Variants in SCAF4 observed in about 807,000 individuals in gnomAD.
The protein encoded by SCAF4 is SR-related CTD associated factor 4, also known as SR-related and CTD-associated factor 4.
Under a neutral mutation model 129.8 loss-of-function variants are expected in SCAF4, and 25 were observed. That is an observed-to-expected ratio of 0.19 (90% CI 0.14 to 0.27). SCAF4 has a LOEUF of 0.27. Ranked by LOEUF, SCAF4 falls within the 10% of genes least tolerant of loss-of-function variation. The probability of loss-of-function intolerance (pLI) is 1.00; values close to 1 mark genes in which losing one functional copy is unlikely to be tolerated. For synonymous variants in SCAF4, 551 were observed against 497.7 expected (o/e 1.11, Z -1.43); for missense variants, 1,246 against 1,457.1 (o/e 0.86, Z 2.36).
intron 3 of SCAF4, among the ~76,000 whole-genome samples, chr21:31,704,423 T>C (rs971349468): frequency 1.3e-5 from 2 of 152,034 alleles, no homozygotes; most frequent in Non-Finnish European, 2.9e-5. Context: ...CAGACACCTA[T>C]ATATATTTCT....
Position 31,671,942 on chromosome 21 carries a change from T to TGGC in SCAF4, c.2898_2900dup (p.Pro969dup), listed in dbSNP as rs1568816470. ...TTGGTGGAGGCTGTTGTGATGGTGG[T>TGGC]GGCTGCTGCTGCTGCTGCTGCTGTG... On this transcript the variant is annotated inframe_insertion, in exon 20 of 20. Transcript: ENST00000286835. The TGGC allele has an allele frequency of 1.9e-6, 3 of 1,607,970 alleles. No individual in the cohort carries two copies. The highest frequency in any genetic ancestry group is 2.2e-5 in the South Asian group (2 of 90,796).
chr21:31,688,381 G>A lies in SCAF4; in HGVS notation c.1969C>T (p.Pro657Ser). The A allele has an allele frequency of 6.2e-7, 1 of 1,613,898 alleles. No individual in the cohort carries two copies. Among genetic ancestry groups the A allele is most frequent in the Non-Finnish European group, 8.5e-7 (1 of 1,179,872 alleles). The change falls in exon 16 of 20, where the codon CCC becomes TCC. Residue 657 changes from proline to serine, a missense_variant. This residue lies in a region of SCAF4 where 468 missense variants were observed against 605.5 expected (regional missense o/e 0.77). Transcript: ENST00000286835. ...AETSHTEPVS[P>S]IPKPLPVPVP... ...GGCACAGGTAATGGTTTAGGTATGG[G>A]TGATACTGGTTCTGTGTGTGAGGTT...
At chr21:31,678,461 C>G (rs1477094750) in intron 19 of SCAF4, among the ~76,000 whole-genome samples, 4 of 152,170 alleles carry the variant, frequency 2.6e-5, no homozygotes, top group African/African-American at 9.7e-5. Flanking sequence ...CAGAACCGGT[C>G]TCCTTTCCAC....
At chr21:31,690,500 A>C (rs192478812) in intron 15 of SCAF4, among the ~76,000 whole-genome samples, 356 of 152,316 alleles carry the variant, frequency 2.3e-3, no homozygotes, top group Non-Finnish European at 3.7e-3. Flanking sequence ...ATAAAAAAAA[A>C]CATAATACCA....
rs548671334 is a variant in SCAF4 at position 31,693,123 on chromosome 21, A to C, written c.1513+171T>G. Reference sequence around the variant, plus strand: ...ATAGCTGGTTTAAGGTACGAAAGCAAATCTAAGGGTATACATCAATGAATA... The same window carrying C: ...ATAGCTGGTTTAAGGTACGAAAGCACATCTAAGGGTATACATCAATGAATA... On this transcript the variant is annotated intron_variant, in intron 12 of 19. Transcript: ENST00000286835. Among the ~76,000 whole-genome samples the C allele has an allele frequency of 3.3e-5, 5 of 152,346 alleles. No homozygotes were observed. In the East Asian group the frequency reaches 9.6e-4, roughly 29 times the overall value.
chr21:31,705,998 A>AG (rs1374063061), intron 2 of SCAF4, among the ~76,000 whole-genome samples: 1 of 152,182 alleles, frequency 6.6e-6, no homozygotes, highest in Non-Finnish European at 1.5e-5. Flanking sequence ...TGAACCCGGG[A>AG]GGGTGAGGTT....
intron 1 of SCAF4, among the ~76,000 whole-genome samples, chr21:31,712,516 C>T (rs1353418651): frequency 3.4e-5 from 5 of 148,114 alleles, no homozygotes; most frequent in African/African-American, 5.0e-5. Context: ...CCATGTCTGG[C>T]CTGATTCTCC....
At chr21:31,688,263 C>T (rs753153136) in intron 16 of SCAF4, 44 bp downstream of exon 16, 3 of 1,587,208 alleles carry the variant, frequency 1.9e-6, no homozygotes, top group East Asian at 2.2e-5. Context: ...TAGAAAGGGA[C>T]CTTTCAGGCA....
At chr21:31,724,435 A>G (rs2051150955) in intron 1 of SCAF4, among the ~76,000 whole-genome samples, 1 of 152,182 alleles carries the variant, frequency 6.6e-6, no homozygotes, top group South Asian at 2.1e-4. Flanking sequence ...ACCTGACAAC[A>G]CAGTGTAGTT....
Position 31,672,281 on chromosome 21 carries a change from G to C in SCAF4, c.2562C>G (p.Pro854=), listed in dbSNP as rs149687210. 1 of 1,613,850 alleles carries C rather than the reference G, an allele frequency of 6.2e-7. No individual in the cohort carries two copies. The highest frequency in any genetic ancestry group is 1.3e-5 in the African/African-American group (1 of 74,912). ...GAGGGCGCTGGAGTGGGATGAGACC[G>C]GGCCGGGCGCCAAGAAGACCAGTAG... The part of the protein sequence containing the change: ...APSTGLLGAR[P]GLIPLQRPPG... Residue 854 remains proline (P), a synonymous_variant, in exon 20 of 20, where the codon CCC becomes CCG. Transcript: ENST00000286835.
chr21:31,721,665 A>T (rs187778764), intron 1 of SCAF4, among the ~76,000 whole-genome samples: 1 of 152,238 alleles, frequency 6.6e-6, no homozygotes, highest in East Asian at 1.9e-4. Flanking sequence ...AACTATCAAG[A>T]CTAAATAAAA....
chr21:31,716,509 T>C (rs918833616), intron 1 of SCAF4, among the ~76,000 whole-genome samples: 6 of 152,164 alleles, frequency 3.9e-5, no homozygotes, highest in Non-Finnish European at 5.9e-5. Flanking sequence ...GACACTGTCT[T>C]AAACCAAATA....
chr21:31,688,494 T>A lies in SCAF4; in HGVS notation c.1886-30A>T, dbSNP rs765791543. 3.2e-6 allele frequency: 5 copies of A among 1,569,326 alleles called. No individual in the cohort carries two copies. The South Asian group carries it at 4.5e-5, about 14-fold the overall frequency. On this transcript the variant is annotated intron_variant, in intron 15 of 19. Coordinates refer to ENST00000286835, the MANE Select transcript of SCAF4 (RefSeq NM_020706.2). ...GAGCGTGAAAGAAATTTAACAAGAG[T>A]TTACCATTTTCAGTTTGTAACTTTA...
chr21:31,711,911 T>G (rs1413955692), intron 1 of SCAF4, among the ~76,000 whole-genome samples: 1 of 152,102 alleles, frequency 6.6e-6, no homozygotes, highest in Non-Finnish European at 1.5e-5. Context: ...TAGGGTCAAT[T>G]TTTTGATGCT....
At chr21:31,707,152 A>AC (rs2066063341) in intron 1 of SCAF4, among the ~76,000 whole-genome samples, 1 of 152,018 alleles carries the variant, frequency 6.6e-6, no homozygotes, top group Non-Finnish European at 1.5e-5. Flanking sequence ...CATTCCATAG[A>AC]TGGGGGGGTT....
intron 19 of SCAF4, among the ~76,000 whole-genome samples, chr21:31,678,276 C>G (rs375492273): frequency 6.6e-6 from 1 of 152,174 alleles, no homozygotes; most frequent in Non-Finnish European, 1.5e-5. Context: ...TTACATCTAC[C>G]AGTTGCTCAC....
At chr21:31,730,863 C>A (rs2051334234) in intron 1 of SCAF4, among the ~76,000 whole-genome samples, 1 of 152,186 alleles carries the variant, frequency 6.6e-6, no homozygotes, top group Non-Finnish European at 1.5e-5. Context: ...ATGTAAATGT[C>A]CTCGTAGAAG....
In SCAF4 at chr21:31,731,693, G is replaced by A. The variant is rs762005793; in HGVS notation, c.-1C>T. The A allele has an allele frequency of 6.3e-7, 1 of 1,583,472 alleles. No homozygotes were observed. On this transcript the variant is annotated 5_prime_UTR_variant, in exon 1 of 20. Transcript: ENST00000286835. ...GGTTGAAGGCGTTGACGGCGTCCAT[G>A]TTCGCGCTGCGGCGGCGGCTGCTCC... is the stretch of plus-strand genomic sequence containing the variant.
At position 31,696,168 on chromosome 21, in the gene SCAF4, A is replaced by G. The variant is rs1432331589; in HGVS notation, c.1013T>C (p.Met338Thr). 1.2e-6 allele frequency: 2 copies of G among 1,614,088 alleles called. No individual in the cohort carries two copies. Among genetic ancestry groups the G allele is most frequent in the Admixed American group, 1.7e-5 (1 of 60,012 alleles). Reference sequence around the variant, plus strand: ...CATCATTCGTGGCTGAAACTGATCCATATTTTGATGCTGTGTGTATGCTGG... The same window carrying G: ...CATCATTCGTGGCTGAAACTGATCCGTATTTTGATGCTGTGTGTATGCTGG... Reference protein sequence around the residue: ...QQPAYTQHQNMDQFQPRMMGI... With the variant: ...QQPAYTQHQNTDQFQPRMMGI... Residue 338 changes from methionine to threonine, a missense_variant, in exon 9 of 20, where the codon ATG (methionine) becomes ACG (threonine). Transcript: ENST00000286835.
Sources: gnomAD v4.1 joint callset for allele counts (sites outside exome capture counted in the v4.1 genomes callset) on GRCh38, gnomAD v4.1.1 for gene constraint, gnomAD v4.1.1 regional missense constraint, MANE v1.5 for transcripts, NCBI Gene and HGNC (gene_info 2026-07-23, HGNC 2026-07-21) for gene names.